The following ABR variants were observed in gnomAD, a reference collection of about 807,000 sequenced individuals.
The protein encoded by ABR is ABR activator of RhoGEF and GTPase.
ABR carries 35 observed loss-of-function variants against 107.2 expected under a neutral mutation model. The observed-to-expected ratio is 0.33, with a 90% CI of 0.25 to 0.43. The LOEUF (loss-of-function observed/expected upper bound fraction) is 0.43, where lower values mean the gene tolerates loss of function less well. Among genes scored for constraint, ABR ranks in the 20% least tolerant of loss-of-function variants. The probability of loss-of-function intolerance (pLI) is 1.00; values close to 1 mark genes in which losing one functional copy is unlikely to be tolerated. For missense variants in ABR, 815 were observed against 1,115.2 expected, an observed-to-expected ratio of 0.73 and a Z score of 3.83; for synonymous variants, 498 against 462.0, an observed-to-expected ratio of 1.08 and a Z score of -1.00.
intron 1 of ABR, among the ~76,000 whole-genome samples, chr17:1,207,407 TG>T (rs1176248049): frequency 6.6e-6 from 1 of 152,020 alleles, no homozygotes; most frequent in African/African-American, 2.4e-5. Flanking sequence ...CCCAGCACTT[TG>T]GGAGGCTGAG....
chr17:1,226,767 C>A (rs58665141), intron 1 of ABR, among the ~76,000 whole-genome samples: 1 of 149,374 alleles, frequency 6.7e-6, no homozygotes, highest in Admixed American at 6.7e-5. Context: ...CGTGTGTGTG[C>A]ATGCATGTGA....
chr17:1,031,561 G>A (rs2072761391), intron 16 of ABR: 2 of 235,844 alleles, frequency 8.5e-6, no homozygotes, highest in Non-Finnish European at 1.1e-5. Flanking sequence ...GCGCCCCCGA[G>A]CCCCCACCCC....
In ABR at chr17:1,159,387, C is replaced by T. The variant is rs925583168; in HGVS notation, c.61+20280G>A. Reference sequence around the variant, plus strand: ...ACACAGGAGAAGTAAGAATGCGGTACTCACACACGGGAGAAGTAGGAATGC... The same window carrying T: ...ACACAGGAGAAGTAAGAATGCGGTATTCACACACGGGAGAAGTAGGAATGC... On this transcript the variant is annotated intron_variant, in intron 1 of 22. Transcript: ENST00000302538. Among the ~76,000 whole-genome samples, 32 of 102,780 alleles carry T rather than the reference C, an allele frequency of 3.1e-4. No homozygotes were observed. The East Asian group carries it at 8.1e-3, about 26-fold the overall frequency. The allele number at this position is 102,780 out of a possible 152,430, so 67.4% of individuals were successfully genotyped here. A position where few individuals can be genotyped will look rare whatever the true frequency, so the allele number is the denominator to read the frequency against.
intron 1 of ABR, among the ~76,000 whole-genome samples, chr17:1,216,206 C>A (rs940895425): frequency 6.6e-6 from 1 of 152,034 alleles, no homozygotes; most frequent in Non-Finnish European, 1.5e-5. Context: ...AACTGAACAC[C>A]TAAATAGAAC....
intron 1 of ABR, among the ~76,000 whole-genome samples, chr17:1,204,001 G>A (rs1216459548): frequency 6.6e-6 from 1 of 152,164 alleles, no homozygotes; most frequent in Non-Finnish European, 1.5e-5. Flanking sequence ...GCCGAGGGGA[G>A]GGCACGAGAA....
At chr17:1,209,070 G>A (rs1438981695) in intron 1 of ABR, among the ~76,000 whole-genome samples, 4 of 152,070 alleles carry the variant, frequency 2.6e-5, no homozygotes, top group Non-Finnish European at 5.9e-5. Flanking sequence ...TTCACTGCTC[G>A]GCTCAATGCA....
chr17:1,094,365 C>G (rs946236585), intron 3 of ABR, among the ~76,000 whole-genome samples: 9 of 151,288 alleles, frequency 5.9e-5, no homozygotes, highest in Admixed American at 5.9e-4. Context: ...TGGTCCCAGA[C>G]TGCAATTTTT....
At chr17:1,009,205 C>G (rs935132904) in intron 21 of ABR, among the ~76,000 whole-genome samples, 1 of 140,010 alleles carries the variant, frequency 7.1e-6, no homozygotes, top group African/African-American at 2.6e-5. Flanking sequence ...GTCCATTCCC[C>G]CACTGCTGTC....
intron 1 of ABR, among the ~76,000 whole-genome samples, chr17:1,214,943 G>C (rs1460857032): frequency 6.6e-6 from 1 of 152,092 alleles, no homozygotes; most frequent in African/African-American, 2.4e-5. Flanking sequence ...CTCTTGACCA[G>C]GTGGGGTGGC....
At chr17:1,060,006 A>G (rs1288446237) in intron 10 of ABR, among the ~76,000 whole-genome samples, 1 of 152,238 alleles carries the variant, frequency 6.6e-6, no homozygotes, top group Admixed American at 6.5e-5. Flanking sequence ...GCACCTGCGC[A>G]GTGATGTTTA....
intron 1 of ABR, among the ~76,000 whole-genome samples, chr17:1,166,468 G>A (rs767483573): frequency 8.5e-5 from 13 of 152,288 alleles, no homozygotes; most frequent in Admixed American, 2.6e-4. Context: ...CTGGGAAACC[G>A]GGAGAGGCTC....
rs770824862 is a variant in ABR, at chr17:1,200,811, C to A, written c.838+27982G>T. 6.6e-5 allele frequency among the ~76,000 whole-genome samples: 10 copies of A among 152,094 alleles called. No homozygotes were observed. Among genetic ancestry groups the A allele is most frequent in the Non-Finnish European group, 1.5e-4 (10 of 68,016 alleles). ...GGGTTATCAGCACCGTCCAGGGACA[C>A]CAGAGATAAAGCCTCATCTATAACA... On this transcript the variant is annotated intron_variant, in intron 1 of 22. Coordinates refer to the ABR transcript ENST00000574139. This position sits in a 1 kb window ranked among gnomAD's most constrained non-coding sequence, Gnocchi z 4.1.
intron 1 of ABR, among the ~76,000 whole-genome samples, chr17:1,173,297 C>A: frequency 7.2e-6 from 1 of 139,258 alleles, no homozygotes; most frequent in Non-Finnish European, 1.6e-5. Context: ...CAACACATCA[C>A]CTCAGTCCAC....
chr17:1,150,664 G>A lies in ABR; in HGVS notation c.62-25297C>T, dbSNP rs2040755437. On this transcript the variant is annotated intron_variant, in intron 1 of 22. Coordinates refer to ENST00000302538, the MANE Select transcript of ABR (RefSeq NM_021962.5). This position sits in a 1 kb window ranked among gnomAD's most constrained non-coding sequence, Gnocchi z 4.8. The stretch of plus-strand genomic sequence containing the variant: ...TCCAGGGCCCTTCACAAGTTTGGGT[G>A]AACACTCCTGGTACACGGTCTGTGG... 6.6e-6 allele frequency among the ~76,000 whole-genome samples: 1 copy of A among 152,184 alleles called. No individual in the cohort carries two copies. Among genetic ancestry groups the A allele is most frequent in the South Asian group, 2.1e-4 (1 of 4,834 alleles).
intron 4 of ABR, among the ~76,000 whole-genome samples, chr17:1,086,803 G>C (rs538446214): frequency 2.0e-5 from 3 of 152,284 alleles, no homozygotes; most frequent in Admixed American, 6.5e-5. Flanking sequence ...GCCTGGCTTA[G>C]ACACATTTTT....
chr17:1,018,156 C>A (rs1426234996), intron 16 of ABR, among the ~76,000 whole-genome samples: 1 of 152,140 alleles, frequency 6.6e-6, no homozygotes, highest in African/African-American at 2.4e-5. Flanking sequence ...CATTCTCCTG[C>A]CTCAGCCTCC....
chr17:1,045,618 T>TTC (rs1295303194), intron 16 of ABR, among the ~76,000 whole-genome samples: 1 of 152,208 alleles, frequency 6.6e-6, no homozygotes, highest in Non-Finnish European at 1.5e-5. Flanking sequence ...GCTGTGATGA[T>TTC]ATTCCTCTCC....
At chr17:1,221,469 A>G (rs1407302389) in intron 1 of ABR, among the ~76,000 whole-genome samples, 2 of 152,206 alleles carry the variant, frequency 1.3e-5, no homozygotes, top group African/African-American at 4.8e-5. Flanking sequence ...ATTCCTGATG[A>G]TCATGGAGTC....
chr17:1,175,186 T>C (rs2041874422), intron 1 of ABR, among the ~76,000 whole-genome samples: 2 of 151,534 alleles, frequency 1.3e-5, no homozygotes, highest in East Asian at 2.0e-4. Context: ...CCGAGGCGGG[T>C]GGATCACCTG....
Sources: gnomAD v4.1 joint callset for allele counts (sites outside exome capture counted in the v4.1 genomes callset) on GRCh38, gnomAD v4.1.1 for gene constraint, Gnocchi (gnomAD v3.1) non-coding constraint, MANE v1.5 for transcripts, NCBI Gene and HGNC (gene_info 2026-07-23, HGNC 2026-07-21) for gene names.